The following EFCAB8 variants were observed in gnomAD, a reference collection of about 807,000 sequenced individuals.
EFCAB8 encodes the protein EF-hand calcium binding domain 8.
A neutral mutation model predicts 116.3 loss-of-function variants in EFCAB8; 100 were observed. The ratio of observed to expected loss-of-function variants is 0.86; its 90% confidence interval spans 0.73 to 1.02. The LOEUF is 1.02. Ranked by LOEUF, EFCAB8 falls within the 50% of genes least tolerant of loss-of-function variation. EFCAB8 has a pLI of 0.00. For synonymous variants in EFCAB8, 558 were observed against 567.9 expected (o/e 0.98, Z 0.25); for missense variants, 1,320 against 1,416.9 (o/e 0.93, Z 1.10).
intron 3 of EFCAB8, 83 bp from the exon 4 acceptor site, chr20:32,875,843 C>T: frequency 7.9e-7 from 1 of 1,268,206 alleles, no homozygotes; most frequent in African/African-American, 1.5e-5. Context: ...CCCTCAGCAC[C>T]CAGACACTTG....
chr20:32,943,717 A>G lies in EFCAB8; in HGVS notation c.2872A>G (p.Ile958Val), dbSNP rs1238015256. The G allele has an allele frequency of 9.6e-6, 4 of 416,924 alleles. No homozygotes were observed. Among genetic ancestry groups the G allele is most frequent in the Non-Finnish European group, 1.3e-5 (3 of 226,440 alleles). 25.8% of individuals were successfully genotyped at this position (416,924 alleles called of 1,614,324 possible). Residue 958 changes from isoleucine to valine, a missense_variant, in exon 23 of 27, where the codon ATC becomes GTC. Transcript: ENST00000400522. The stretch of plus-strand genomic sequence containing the variant: ...AGGCCATTTGAATAGTGTGGCAGAC[A>G]TCCTGTATGTGGACAACTTCCAGCT... ...WKGHLNSVAD[I>V]LYVDNFQLVI...
chr20:32,915,066 T>TA (rs952864876), intron 17 of EFCAB8, among the ~76,000 whole-genome samples: 6 of 151,708 alleles, frequency 4.0e-5, no homozygotes, highest in Non-Finnish European at 5.9e-5. Context: ...CCTTGCTAAT[T>TA]AAAAAAAAAA....
intron 6 of EFCAB8, among the ~76,000 whole-genome samples, chr20:32,886,972 G>A (rs753393974): frequency 9.2e-5 from 14 of 152,114 alleles, no homozygotes; most frequent in Non-Finnish European, 1.9e-4. Flanking sequence ...CAAGGGTTGG[G>A]AGTTACCAAG....
intron 20 of EFCAB8, among the ~76,000 whole-genome samples, chr20:32,926,373 G>A (rs1987670391): frequency 6.7e-6 from 1 of 150,052 alleles, no homozygotes; most frequent in Non-Finnish European, 1.5e-5. Context: ...TTTTTTTATG[G>A]TTTTGATTTT....
chr20:32,947,484 A>G (rs1260387820), intron 23 of EFCAB8, among the ~76,000 whole-genome samples: 1 of 152,270 alleles, frequency 6.6e-6, no homozygotes, highest in African/African-American at 2.4e-5. Flanking sequence ...AAAAGGATTT[A>G]TGCCATACAA....
intron 20 of EFCAB8, 68 bp downstream of exon 20, chr20:32,920,283 G>A (rs1432095975): frequency 4.6e-6 from 7 of 1,525,742 alleles, no homozygotes; most frequent in Non-Finnish European, 4.4e-6. Context: ...GGGTGGTCAG[G>A]ATGGGGCTCG....
Position 32,918,563 on chromosome 20 carries a change from G to T in EFCAB8, c.2263G>T (p.Val755Leu). Residue 755 changes from valine (V) to leucine (L), a missense_variant, in exon 19 of 27, where the codon GTG (valine) becomes TTG (leucine). Coordinates refer to ENST00000400522, the MANE Select transcript of EFCAB8 (RefSeq NM_001143967.2). ...GAGAGACAAGGAGCCAGACAGGCCT[G>T]TGCCCCAGCAGGTGGGAGCGAGAGC... ...CPRDKEPDRPVPQQKPSSASG... is the reference protein window; with the variant it reads ...CPRDKEPDRPLPQQKPSSASG... The T allele has an allele frequency of 6.4e-7, 1 of 1,551,418 alleles. No homozygotes were observed. The highest frequency in any genetic ancestry group is 8.7e-7 in the Non-Finnish European group (1 of 1,146,808).
In EFCAB8 at chr20:32,917,348, A is replaced by G; in HGVS notation, c.1904A>G (p.Tyr635Cys). The G allele has an allele frequency of 6.4e-7, 1 of 1,551,710 alleles. No individual in the cohort carries two copies. The highest frequency in any genetic ancestry group is 8.7e-7 in the Non-Finnish European group (1 of 1,146,982). Residue 635 changes from tyrosine to cysteine, a missense_variant, in exon 18 of 27, where the codon TAC becomes TGC. Tyr to Cys is a radical substitution (Grantham distance 194). Coordinates refer to ENST00000400522, the MANE Select transcript of EFCAB8 (RefSeq NM_001143967.2). ...PVLLCYHWQT[Y>C]HTEDILSMAK... ...CTCTTGTGCTACCACTGGCAGACCTACCACACGGAGGACATCCTGAGCATG... is the reference window on the plus strand; with the variant it reads ...CTCTTGTGCTACCACTGGCAGACCTGCCACACGGAGGACATCCTGAGCATG...
intron 10 of EFCAB8, chr20:32,898,258 A>T: frequency 2.2e-6 from 1 of 454,162 alleles, no homozygotes; most frequent in South Asian, 3.9e-5. Context: ...AAGATTTCAA[A>T]TGAAAGTAGG....
chr20:32,905,802 T>C (rs115154122), intron 11 of EFCAB8, among the ~76,000 whole-genome samples: 1,453 of 134,746 alleles, frequency 0.011, 23 homozygotes, highest in African/African-American at 0.036. Context: ...GGTATAGGTA[T>C]AGAGTGGGCA....
At chr20:32,921,832 T>C (rs56260622) in intron 20 of EFCAB8, among the ~76,000 whole-genome samples, 809 of 37,780 alleles carry the variant, frequency 0.021, 8 homozygotes, top group African/African-American at 0.089. Flanking sequence ...TACCTTATTC[T>C]TTTTTTTTTT....
intron 10 of EFCAB8, among the ~76,000 whole-genome samples, chr20:32,898,068 C>A (rs1986248659): frequency 6.6e-6 from 1 of 152,182 alleles, no homozygotes; most frequent in Non-Finnish European, 1.5e-5. Context: ...TCCGCGCTTC[C>A]TTGAGCACTC....
intron 22 of EFCAB8, among the ~76,000 whole-genome samples, chr20:32,940,062 T>C: frequency 8.3e-6 from 1 of 120,046 alleles, no homozygotes; most frequent in Non-Finnish European, 1.7e-5. Context: ...CCTTCCTTCC[T>C]TCCTTCCTTC....
intron 14 of EFCAB8, among the ~76,000 whole-genome samples, chr20:32,909,415 C>T (rs926151181): frequency 1.6e-4 from 24 of 152,158 alleles, no homozygotes; most frequent in African/African-American, 4.3e-4. Flanking sequence ...CAGATAATTT[C>T]GGTAGAAAGT....
intron 1 of EFCAB8, among the ~76,000 whole-genome samples, chr20:32,861,298 A>AT (rs930204422): frequency 6.6e-6 from 1 of 151,686 alleles, no homozygotes; most frequent in South Asian, 2.1e-4. Context: ...ATTTTATTTT[A>AT]TTTTTTTGAG....
chr20:32,898,247 C>G (rs1986258648), intron 10 of EFCAB8: 2 of 431,416 alleles, frequency 4.6e-6, no homozygotes, highest in Non-Finnish European at 8.5e-6. Flanking sequence ...CTCTAACTCA[C>G]AAGATTTCAA....
intron 16 of EFCAB8, among the ~76,000 whole-genome samples, chr20:32,912,048 T>C (rs933120699): frequency 1.3e-5 from 2 of 152,132 alleles, no homozygotes; most frequent in Admixed American, 1.3e-4. Flanking sequence ...GGGAAATGCC[T>C]GATGGTATTA....
intron 6 of EFCAB8, among the ~76,000 whole-genome samples, chr20:32,887,704 C>G (rs1027353351): frequency 1.7e-4 from 26 of 152,248 alleles, no homozygotes; most frequent in Non-Finnish European, 3.5e-4. Context: ...TTCTGCTGAC[C>G]TGGCTCTGCT....
intron 20 of EFCAB8, among the ~76,000 whole-genome samples, chr20:32,920,590 T>G (rs896312067): frequency 9.9e-5 from 15 of 152,010 alleles, no homozygotes; most frequent in African/African-American, 3.1e-4. Context: ...CGGAAACCCC[T>G]GATAAACCCA....
Sources: gnomAD v4.1 joint callset for allele counts (sites outside exome capture counted in the v4.1 genomes callset) on GRCh38, gnomAD v4.1.1 for gene constraint, MANE v1.5 for transcripts, NCBI Gene and HGNC (gene_info 2026-07-23, HGNC 2026-07-21) for gene names.